ALDH1A2: variants seen among roughly 807,000 people sequenced by gnomAD.
ALDH1A2 encodes aldehyde dehydrogenase 1 family member A2.
Under a neutral mutation model 60.3 loss-of-function variants are expected in ALDH1A2, and 27 were observed. The observed-to-expected ratio is 0.45, with a 90% CI of 0.33 to 0.62. ALDH1A2 has a LOEUF of 0.62. Among genes scored for constraint, ALDH1A2 ranks in the 20% least tolerant of loss-of-function variants. The pLI, the probability that ALDH1A2 is intolerant of heterozygous loss-of-function variation, is 0.02. For synonymous variants in ALDH1A2, 289 were observed against 232.4 expected, an observed-to-expected ratio of 1.24 and a Z score of -2.21; for missense variants, 581 against 643.8, an observed-to-expected ratio of 0.90 and a Z score of 1.06.
intron 12 of ALDH1A2, among the ~76,000 whole-genome samples, chr15:57,957,518 A>C (rs1418095367): frequency 6.6e-6 from 1 of 152,116 alleles, no homozygotes; most frequent in African/African-American, 2.4e-5. Flanking sequence ...ACTCCAGCTA[A>C]ATTTTGTGGC....
At chr15:58,002,009 CACTCAGAAGGTAAA>C (rs1461181417) in intron 4 of ALDH1A2, among the ~76,000 whole-genome samples, 2 of 151,830 alleles carry the variant, frequency 1.3e-5, no homozygotes. Context: ...TTTTCCCTTT[CACTCAGAAGGTAAA>C]ACGCAGACTA....
intron 7 of ALDH1A2, among the ~76,000 whole-genome samples, chr15:57,970,794 G>A (rs1177858544): frequency 6.6e-6 from 1 of 152,140 alleles, no homozygotes; most frequent in African/African-American, 2.4e-5. Context: ...CCTGTGTCTT[G>A]TAATATCTTT....
At chr15:57,974,072 T>C (rs1163453772) in intron 7 of ALDH1A2, among the ~76,000 whole-genome samples, 4 of 152,086 alleles carry the variant, frequency 2.6e-5, no homozygotes, top group Non-Finnish European at 5.9e-5. Flanking sequence ...TATAAAGCTA[T>C]AATAGTCAAA....
chr15:58,057,081 G>A (rs1490469521), intron 1 of ALDH1A2, among the ~76,000 whole-genome samples: 4 of 152,186 alleles, frequency 2.6e-5, no homozygotes, highest in African/African-American at 9.6e-5. Flanking sequence ...ATACATCCTA[G>A]ATGCTCTCTC....
intron 1 of ALDH1A2, among the ~76,000 whole-genome samples, chr15:58,027,281 C>A (rs574678907): frequency 1.3e-5 from 2 of 152,194 alleles, no homozygotes; most frequent in Admixed American, 1.3e-4. Flanking sequence ...CAAACTCCAA[C>A]AGACCTGCAG....
At chr15:57,980,257 C>A in intron 7 of ALDH1A2, 2 of 349,814 alleles carry the variant, frequency 5.7e-6, no homozygotes, top group Admixed American at 3.4e-5. Context: ...TAGTCTTGAC[C>A]TTCCCTGCTA....
chr15:58,029,930 C>T (rs1896187065), intron 1 of ALDH1A2, among the ~76,000 whole-genome samples: 1 of 152,150 alleles, frequency 6.6e-6, no homozygotes, highest in Non-Finnish European at 1.5e-5. Flanking sequence ...CAGATGGAAT[C>T]ACAGTGCAAT....
chr15:58,000,196 A>G (rs1344839608), intron 4 of ALDH1A2, among the ~76,000 whole-genome samples: 1 of 151,940 alleles, frequency 6.6e-6, no homozygotes, highest in Non-Finnish European at 1.5e-5. Flanking sequence ...GTAATCCAGA[A>G]CTAAAATAAA....
chr15:57,998,400 A>G (rs1895139686), intron 4 of ALDH1A2, among the ~76,000 whole-genome samples: 1 of 152,122 alleles, frequency 6.6e-6, no homozygotes, highest in South Asian at 2.1e-4. Flanking sequence ...ATTCCTATAC[A>G]CCAACAATAG....
At chr15:57,970,640 A>G (rs1218548906) in intron 7 of ALDH1A2, among the ~76,000 whole-genome samples, 1 of 151,716 alleles carries the variant, frequency 6.6e-6, no homozygotes, top group African/African-American at 2.4e-5. Flanking sequence ...GTTGGGTAAA[A>G]TTTTTTTTTA....
chr15:58,031,616 C>A (rs1896242505), intron 1 of ALDH1A2, among the ~76,000 whole-genome samples: 1 of 152,174 alleles, frequency 6.6e-6, no homozygotes, highest in Non-Finnish European at 1.5e-5. Flanking sequence ...ATCTACCCAT[C>A]TGACACAGGG....
chr15:58,030,621 G>A (rs1299153351), intron 1 of ALDH1A2, among the ~76,000 whole-genome samples: 1 of 152,102 alleles, frequency 6.6e-6, no homozygotes, highest in Non-Finnish European at 1.5e-5. Flanking sequence ...CAGGTGACAT[G>A]ATTGTATATT....
chr15:57,999,658 T>C (rs1459445293), intron 4 of ALDH1A2, among the ~76,000 whole-genome samples: 1 of 152,024 alleles, frequency 6.6e-6, no homozygotes, highest in African/African-American at 2.4e-5. Context: ...AGTGTGGCAA[T>C]TCCTCAAAGA....
At chr15:58,014,334 G>C (rs1468830068) in intron 1 of ALDH1A2, 53 bp from the exon 2 acceptor site, 1 of 1,354,284 alleles carries the variant, frequency 7.4e-7, no homozygotes, top group East Asian at 2.3e-5. Flanking sequence ...TAAGCAGCCA[G>C]TCAACGGCCA....
At chr15:57,961,658 T>C (rs1893724587) in intron 10 of ALDH1A2, among the ~76,000 whole-genome samples, 1 of 152,168 alleles carries the variant, frequency 6.6e-6, no homozygotes, top group Admixed American at 6.5e-5. Flanking sequence ...CTTGCACAGA[T>C]GTAAAGATGC....
At chr15:58,047,618 T>G (rs1896667695) in intron 1 of ALDH1A2, among the ~76,000 whole-genome samples, 1 of 152,040 alleles carries the variant, frequency 6.6e-6, no homozygotes, top group South Asian at 2.1e-4. Flanking sequence ...GGTAATATTT[T>G]TAACTTTGAA....
At position 57,961,142 on chromosome 15, in the gene ALDH1A2, A is replaced by T; in HGVS notation, c.1404T>A (p.Thr468=). The change falls in exon 11 of 13, where the codon ACT becomes ACA. Residue 468 remains threonine (T), a synonymous_variant. Transcript: ENST00000249750. ...LTVSSAMQAG[T]VWINCYNALN... is the part of the protein sequence containing the mutation. ...AAGACTGACTCTGATCTTACCAAAC[A>T]GTCCCAGCTTGCATTGCAGAAGACA... 6.2e-7 allele frequency: 1 copy of T among 1,614,092 alleles called. No homozygotes were observed. The highest frequency in any genetic ancestry group is 8.5e-7 in the Non-Finnish European group (1 of 1,179,996).
intron 4 of ALDH1A2, among the ~76,000 whole-genome samples, chr15:58,001,678 A>C (rs758517923): frequency 7.2e-5 from 11 of 151,974 alleles, no homozygotes; most frequent in Non-Finnish European, 2.9e-5. Context: ...AGGATGACTT[A>C]GAAGGTTGTT....
chr15:57,980,331 A>C (rs562960907), intron 7 of ALDH1A2: 113 of 432,508 alleles, frequency 2.6e-4, no homozygotes, highest in African/African-American at 2.2e-3. Flanking sequence ...TTGGCCTTGA[A>C]CAGGTCCATG....
Sources: gnomAD v4.1 joint callset for allele counts (sites outside exome capture counted in the v4.1 genomes callset) on GRCh38, gnomAD v4.1.1 for gene constraint, MANE v1.5 for transcripts, NCBI Gene and HGNC (gene_info 2026-07-23, HGNC 2026-07-21) for gene names.